The following SLC14A2 variants were observed in gnomAD, a reference collection of about 807,000 sequenced individuals.
SLC14A2 encodes solute carrier family 14 member 2.
A neutral mutation model predicts 104.6 loss-of-function variants in SLC14A2; 91 were observed. That is an observed-to-expected ratio of 0.87 (90% CI 0.73 to 1.04). The LOEUF (loss-of-function observed/expected upper bound fraction) is 1.04. Ranked by LOEUF, SLC14A2 falls within the 50% of genes least tolerant of loss-of-function variation. SLC14A2 has a pLI of 0.00. For synonymous variants in SLC14A2, 476 were observed against 466.4 expected, an observed-to-expected ratio of 1.02 and a Z score of -0.27; for missense variants, 1,189 against 1,156.0, an observed-to-expected ratio of 1.03 and a Z score of -0.41.
At chr18:45,441,845 C>T (rs533636798) in intron 1 of SLC14A2, among the ~76,000 whole-genome samples, 3 of 152,122 alleles carry the variant, frequency 2.0e-5, no homozygotes, top group South Asian at 2.1e-4. Flanking sequence ...AGAAATGAAA[C>T]GAGAAGATTG....
At chr18:45,558,802 T>C (rs2044165312) in intron 2 of SLC14A2, among the ~76,000 whole-genome samples, 1 of 152,046 alleles carries the variant, frequency 6.6e-6, no homozygotes, top group Non-Finnish European at 1.5e-5. Flanking sequence ...TTGAGTTTCT[T>C]TTTTTTTGAG....
intron 2 of SLC14A2, among the ~76,000 whole-genome samples, chr18:45,580,032 T>C (rs73953208): frequency 0.011 from 1,614 of 151,908 alleles, 31 homozygotes; most frequent in African/African-American, 0.037. Context: ...GAGGGAGAGA[T>C]GGGATATTGA....
chr18:45,387,199 T>C (rs937084828), intron 1 of SLC14A2, among the ~76,000 whole-genome samples: 4 of 152,338 alleles, frequency 2.6e-5, no homozygotes, highest in Admixed American at 2.0e-4. Context: ...GCCATCTCTT[T>C]TTTCTGTCTT....
intron 13 of SLC14A2, 110 bp downstream of exon 13, chr18:45,667,204 C>T: frequency 1.3e-6 from 1 of 780,312 alleles, no homozygotes; most frequent in Non-Finnish European, 2.0e-6. Flanking sequence ...TTAGACTAGA[C>T]TGCACTCTGT....
chr18:45,658,089 G>A (rs2045872433), intron 10 of SLC14A2, among the ~76,000 whole-genome samples: 1 of 152,182 alleles, frequency 6.6e-6, no homozygotes, highest in African/African-American at 2.4e-5. Flanking sequence ...AGTGGTTCTG[G>A]TATTGCAGCA....
chr18:45,215,904 A>G (rs1449671077), intron 1 of SLC14A2, among the ~76,000 whole-genome samples: 1 of 152,200 alleles, frequency 6.6e-6, no homozygotes, highest in Non-Finnish European at 1.5e-5. Context: ...GAGGCAGGGA[A>G]GAAACGAAAT....
chr18:45,214,091 T>C (rs556940826), intron 1 of SLC14A2, among the ~76,000 whole-genome samples: 2 of 152,174 alleles, frequency 1.3e-5, no homozygotes, highest in Non-Finnish European at 2.9e-5. Context: ...CTAGATAGAT[T>C]TGGCCCAAAC....
At chr18:45,446,657 C>G (rs1390315958) in intron 1 of SLC14A2, among the ~76,000 whole-genome samples, 1 of 152,198 alleles carries the variant, frequency 6.6e-6, no homozygotes, top group Non-Finnish European at 1.5e-5. Flanking sequence ...GCTTCAGCTC[C>G]CAAAATGTCC....
intron 1 of SLC14A2, among the ~76,000 whole-genome samples, chr18:45,426,654 CATACAT>C (rs1167546179): frequency 3.5e-5 from 5 of 144,754 alleles, no homozygotes; most frequent in East Asian, 2.0e-4. Flanking sequence ...TACATATATA[CATACAT>C]ATACATATAT....
chr18:45,577,075 C>T (rs1018146308), intron 2 of SLC14A2, among the ~76,000 whole-genome samples: 1 of 151,578 alleles, frequency 6.6e-6, no homozygotes, highest in African/African-American at 2.4e-5. Context: ...GAGAACTCCA[C>T]AAAAGAGGTA....
chr18:45,351,332 T>C (rs1292990684), intron 1 of SLC14A2, among the ~76,000 whole-genome samples: 1 of 152,142 alleles, frequency 6.6e-6, no homozygotes, highest in Non-Finnish European at 1.5e-5. Flanking sequence ...CAAGCCCTTT[T>C]CTATTCCACT....
At chr18:45,562,230 A>G (rs1440411905) in intron 2 of SLC14A2, among the ~76,000 whole-genome samples, 1 of 152,218 alleles carries the variant, frequency 6.6e-6, no homozygotes, top group African/African-American at 2.4e-5. Flanking sequence ...AGAACAGATA[A>G]GCATGTTGTG....
chr18:45,394,778 GT>G (rs777438014), intron 1 of SLC14A2, among the ~76,000 whole-genome samples: 3 of 152,046 alleles, frequency 2.0e-5, no homozygotes, highest in African/African-American at 4.8e-5. Flanking sequence ...CAGATATATG[GT>G]TTGCAAATAT....
chr18:45,484,077 C>T (rs751408246), intron 2 of SLC14A2, among the ~76,000 whole-genome samples: 4 of 152,202 alleles, frequency 2.6e-5, no homozygotes, highest in Non-Finnish European at 4.4e-5. Flanking sequence ...ACATTTCACT[C>T]ATATAATAGC....
chr18:45,529,803 G>T (rs1220476431), intron 2 of SLC14A2: 1 of 152,100 alleles, frequency 6.6e-6, no homozygotes, highest in East Asian at 1.9e-4. Flanking sequence ...CCTTTGGTGG[G>T]GGGCTATCTT....
chr18:45,322,418 A>G (rs1018988366), intron 1 of SLC14A2, among the ~76,000 whole-genome samples: 4 of 152,246 alleles, frequency 2.6e-5, no homozygotes, highest in African/African-American at 7.2e-5. Context: ...GGACAGGCCC[A>G]TTGACAATTG....
chr18:45,554,359 C>A (rs918074821), intron 2 of SLC14A2, among the ~76,000 whole-genome samples: 1 of 152,198 alleles, frequency 6.6e-6, no homozygotes, highest in African/African-American at 2.4e-5. Context: ...ACTCTGTTGA[C>A]CTTTCAGGCA....
intron 1 of SLC14A2, among the ~76,000 whole-genome samples, chr18:45,217,461 G>A (rs1304340378): frequency 6.6e-6 from 1 of 151,966 alleles, no homozygotes; most frequent in African/African-American, 2.4e-5. Flanking sequence ...GAACAGTGAG[G>A]AATGGCTTTC....
chr18:45,225,306 G>C (rs937607908), intron 1 of SLC14A2, among the ~76,000 whole-genome samples: 1 of 152,106 alleles, frequency 6.6e-6, no homozygotes, highest in African/African-American at 2.4e-5. Flanking sequence ...GGTTGTAGAT[G>C]TGTGGTATTA....
Sources: allele counts gnomAD v4.1 joint callset (sites outside exome capture counted in the v4.1 genomes callset), GRCh38; gene constraint gnomAD v4.1.1; transcripts MANE v1.5; gene names NCBI Gene and HGNC (gene_info 2026-07-23, HGNC 2026-07-21).